The following AFMID variants were observed in gnomAD, a reference collection of about 807,000 sequenced individuals.
The protein encoded by AFMID is kynurenine formamidase.
AFMID carries 39 observed loss-of-function variants against 47.5 expected under a neutral mutation model. That is an observed-to-expected ratio of 0.82 (90% confidence interval 0.64 to 1.07). AFMID has a LOEUF of 1.07. Among genes scored for constraint, AFMID ranks in the 50% least tolerant of loss-of-function variants. The probability of loss-of-function intolerance (pLI) is 0.00; values close to 1 mark genes in which losing one functional copy is unlikely to be tolerated. For missense variants in AFMID, 375 were observed against 387.5 expected (o/e 0.97, Z 0.27); for synonymous variants, 130 against 153.2 (o/e 0.85, Z 1.12).
intron 4 of AFMID, chr17:78,204,023 CAAAA>C (rs11308034): frequency 1.3e-4 from 12 of 93,480 alleles, no homozygotes; most frequent in Admixed American, 2.3e-4. Context: ...GACTCTGTCT[CAAAA>C]AAAAAAAAAA....
At chr17:78,204,224 C>T (rs760965592) in intron 4 of AFMID, among the ~76,000 whole-genome samples, 2 of 152,096 alleles carry the variant, frequency 1.3e-5, no homozygotes, top group African/African-American at 2.4e-5. Context: ...GAGGCTGAGG[C>T]AGGAGGATTG....
chr17:78,200,046 T>TA (rs917290831), intron 2 of AFMID, among the ~76,000 whole-genome samples: 196 of 135,000 alleles, frequency 1.5e-3, no homozygotes, highest in Non-Finnish European at 1.5e-3. Flanking sequence ...CACAACGACA[T>TA]AAAAAAAAAA....
At chr17:78,206,765 C>G in intron 10 of AFMID, 146 bp from the exon 11 acceptor site, 5 of 656,096 alleles carry the variant, frequency 7.6e-6, no homozygotes, top group South Asian at 1.4e-5. Context: ...CTCCTGAGTT[C>G]AAGTGATCTT....
chr17:78,189,219 CT>C (rs770863206), intron 1 of AFMID, among the ~76,000 whole-genome samples: 196 of 122,710 alleles, frequency 1.6e-3, no homozygotes, highest in African/African-American at 2.7e-3. Context: ...TTCCTTGTTA[CT>C]TTTTTTTTTT....
chr17:78,204,547 G>C (rs1228035816), intron 4 of AFMID, 109 bp from the exon 5 acceptor site: 2 of 1,007,244 alleles, frequency 2.0e-6, no homozygotes, highest in East Asian at 2.5e-5. Flanking sequence ...GACCAGAAAG[G>C]GGTGATGCTG....
intron 1 of AFMID, 140 bp downstream of exon 1, chr17:78,187,573 C>G (rs1397120841): frequency 3.8e-6 from 3 of 794,542 alleles, no homozygotes; most frequent in Non-Finnish European, 6.2e-6. Flanking sequence ...GCCAGGTCCC[C>G]AGTGCTTGAG....
rs1224822938 is a variant in AFMID at position 78,187,443 on chromosome 17, T to C, written c.63+10T>C. The C allele has an allele frequency of 6.2e-6, 10 of 1,613,666 alleles. No homozygotes were observed. The highest frequency in any genetic ancestry group is 8.5e-6 in the Non-Finnish European group (10 of 1,179,778). ...GAAGATGTCTGCAGAGGTAGGTGGA[T>C]TGCAGGGAGGGACTAAGGGGCTGGG... is the stretch of plus-strand genomic sequence containing the variant. On this transcript the variant is annotated intron_variant, in intron 1 of 10. Coordinates refer to ENST00000409257, the MANE Select transcript of AFMID (RefSeq NM_001010982.5).
At chr17:78,197,271 C>A in intron 2 of AFMID, 1 of 1,454,518 alleles carries the variant, frequency 6.9e-7, no homozygotes, top group Non-Finnish European at 9.4e-7. Context: ...TGGATGGCAG[C>A]CGGCAATGGC....
rs1218659899 is a variant in AFMID, at chr17:78,205,599, C to T, written c.645-4C>T. 3.1e-6 allele frequency: 5 copies of T among 1,613,804 alleles called. No homozygotes were observed. In the South Asian group the frequency reaches 4.4e-5, roughly 14 times the overall value. The stretch of plus-strand genomic sequence containing the variant: ...TCCTGACCCCTGTCCACTCCCCACC[C>T]CAGGGAGGACGCTCAGAGGAATAGC... On this transcript the variant is annotated splice_region_variant and splice_polypyrimidine_tract_variant and intron_variant, in intron 8 of 10. Transcript: ENST00000409257.
At chr17:78,205,348 C>G in intron 7 of AFMID, 92 bp from the exon 8 acceptor site, 1 of 1,494,130 alleles carries the variant, frequency 6.7e-7, no homozygotes, top group South Asian at 1.1e-5. Context: ...TGTGCCCCTT[C>G]CCCTGGTCCT....
Position 78,205,437 on chromosome 17 carries a change from C to G in AFMID, c.566-3C>G. ...GCCCTGTGACAATTCTGTACCTTCA[C>G]AGGCTTTTTCCTGGTGAGTGGGGTC... On this transcript the variant is annotated splice_polypyrimidine_tract_variant and splice_region_variant and intron_variant, in intron 7 of 10. Coordinates refer to ENST00000409257, the MANE Select transcript of AFMID (RefSeq NM_001010982.5). The G allele has an allele frequency of 6.2e-7, 1 of 1,614,202 alleles. No individual in the cohort carries two copies. Among genetic ancestry groups the G allele is most frequent in the Non-Finnish European group, 8.5e-7 (1 of 1,180,014 alleles).
At chr17:78,190,926 T>C (rs1401139330) in intron 1 of AFMID, 44 bp from the exon 2 acceptor site, 1 of 1,580,518 alleles carries the variant, frequency 6.3e-7, no homozygotes, top group East Asian at 2.2e-5. Flanking sequence ...GCACACTCTG[T>C]TGAGAAGGAA....
At chr17:78,191,342 C>G (rs1287712105) in intron 2 of AFMID, among the ~76,000 whole-genome samples, 1 of 152,088 alleles carries the variant, frequency 6.6e-6, no homozygotes, top group Non-Finnish European at 1.5e-5. Flanking sequence ...CGTAAGGCTG[C>G]GGGCTGTGGT....
chr17:78,197,298 C>T (rs759095316), intron 2 of AFMID: 17 of 1,274,176 alleles, frequency 1.3e-5, no homozygotes, highest in Non-Finnish European at 1.7e-5. Flanking sequence ...GTGACAAATG[C>T]GTCTGCCTTT....
At chr17:78,199,069 AC>A (rs1266678603) in intron 2 of AFMID, among the ~76,000 whole-genome samples, 1 of 152,214 alleles carries the variant, frequency 6.6e-6, no homozygotes, top group African/African-American at 2.4e-5. Flanking sequence ...GTACGTCAGT[AC>A]GCAGGGAGCC....
chr17:78,206,069 C>A lies in AFMID; in HGVS notation c.885+19C>A. The A allele has an allele frequency of 6.2e-7, 1 of 1,607,140 alleles. No homozygotes were observed. The highest frequency in any genetic ancestry group is 8.5e-7 in the Non-Finnish European group (1 of 1,173,926). On this transcript the variant is annotated intron_variant, in intron 10 of 10. Transcript: ENST00000409257. Reference sequence around the variant, plus strand: ...CACCCAGGTGGGGCCTCATCCCTGGCAGCCCTTTCATGGTAGACAGCACAG... The same window carrying A: ...CACCCAGGTGGGGCCTCATCCCTGGAAGCCCTTTCATGGTAGACAGCACAG...
intron 2 of AFMID, among the ~76,000 whole-genome samples, chr17:78,193,556 A>G (rs2076031991): frequency 6.6e-6 from 1 of 151,752 alleles, no homozygotes; most frequent in Non-Finnish European, 1.5e-5. Context: ...AAAGGAAAAA[A>G]AAAAAAGAGG....
chr17:78,188,278 A>C (rs956163810), intron 1 of AFMID, among the ~76,000 whole-genome samples: 2 of 152,174 alleles, frequency 1.3e-5, no homozygotes, highest in Non-Finnish European at 2.9e-5. Flanking sequence ...TCCTACAGGT[A>C]ATAACCTTTC....
At chr17:78,201,786 A>G (rs1212865756) in intron 2 of AFMID, among the ~76,000 whole-genome samples, 1 of 151,610 alleles carries the variant, frequency 6.6e-6, no homozygotes, top group East Asian at 2.0e-4. Flanking sequence ...GCTAGAGTGC[A>G]GTGGCGTGAT....
Sources: allele counts gnomAD v4.1 joint callset (sites outside exome capture counted in the v4.1 genomes callset), GRCh38; gene constraint gnomAD v4.1.1; transcripts MANE v1.5; gene names NCBI Gene and HGNC (gene_info 2026-07-23, HGNC 2026-07-21).